Variants in NAPEPLD observed in about 807,000 individuals in gnomAD.
NAPEPLD encodes N-acyl phosphatidylethanolamine phospholipase D.
A neutral mutation model predicts 38.1 loss-of-function variants in NAPEPLD; 23 were observed. That is an observed-to-expected ratio of 0.60 (90% CI 0.43 to 0.86). The LOEUF (loss-of-function observed/expected upper bound fraction) is 0.86, where lower values mean the gene tolerates loss of function less well. Ranked by LOEUF, NAPEPLD falls within the 40% of genes least tolerant of loss-of-function variation. The pLI is 0.00. For missense variants in NAPEPLD, 411 were observed against 476.8 expected (o/e 0.86, Z 1.28); for synonymous variants, 147 against 162.0 (o/e 0.91, Z 0.71).
At chr7:103,124,460 G>GC (rs1358052981) in intron 2 of NAPEPLD, among the ~76,000 whole-genome samples, 1 of 145,252 alleles carries the variant, frequency 6.9e-6, no homozygotes, top group Non-Finnish European at 1.5e-5. Flanking sequence ...CTCCGTCTTA[G>GC]AAAAAAAAAA....
intron 2 of NAPEPLD, chr7:103,128,119 C>G (rs1808203376): frequency 4.2e-6 from 1 of 238,014 alleles, no homozygotes; most frequent in African/African-American, 2.3e-5. Flanking sequence ...ACTGTCTCAC[C>G]TTCATGACCT....
intron 4 of NAPEPLD, among the ~76,000 whole-genome samples, chr7:103,108,856 C>T (rs1803931615): frequency 6.6e-6 from 1 of 152,086 alleles, no homozygotes; most frequent in Non-Finnish European, 1.5e-5. Context: ...AACTCATGTG[C>T]AAAGACACAC....
intron 1 of NAPEPLD, among the ~76,000 whole-genome samples, chr7:103,139,141 T>C (rs1374719457): frequency 6.6e-6 from 1 of 152,256 alleles, no homozygotes; most frequent in East Asian, 1.9e-4. Flanking sequence ...CATATAAATC[T>C]GATACAAATA....
intron 1 of NAPEPLD, 140 bp from the exon 2 acceptor site, chr7:103,128,932 G>T: frequency 1.1e-6 from 1 of 916,294 alleles, no homozygotes; most frequent in Non-Finnish European, 1.6e-6. Context: ...CTTTCTTCCT[G>T]CAAGGCACAA....
At position 103,100,474 on chromosome 7, in the gene NAPEPLD, A is replaced by AGAT. The variant is rs1802243351; in HGVS notation, c.*2952_*2954dup. The AGAT allele has an allele frequency of 6.6e-6, 1 of 152,224 alleles. No homozygotes were observed. Among genetic ancestry groups the AGAT allele is most frequent in the Admixed American group, 6.5e-5 (1 of 15,288 alleles). The allele number at this position is 152,224 out of a possible 1,614,324, so 9.4% of individuals were successfully genotyped here. A position where few individuals can be genotyped will look rare whatever the true frequency, so the allele number is the denominator to read the frequency against. Reference sequence around the variant, plus strand: ...AGTAATTTTTAACTACCCAGAAAGAAGATGCACAAATACATCTTTTCCTAC... The same window carrying AGAT: ...AGTAATTTTTAACTACCCAGAAAGAAGATGATGCACAAATACATCTTTTCCTAC... On this transcript the variant is annotated 3_prime_UTR_variant, in exon 5 of 5. Transcript: ENST00000465647.
At chr7:103,114,995 C>A in intron 4 of NAPEPLD, 65 bp downstream of exon 4, 1 of 1,222,168 alleles carries the variant, frequency 8.2e-7, no homozygotes, top group Non-Finnish European at 1.2e-6. Context: ...AACTAAGGAA[C>A]AGTGATGCCT....
intron 4 of NAPEPLD, among the ~76,000 whole-genome samples, chr7:103,103,943 TGTG>T (rs1030163280): frequency 4.0e-5 from 6 of 151,692 alleles, no homozygotes; most frequent in East Asian, 1.9e-4. Context: ...GAAATCAAAT[TGTG>T]GTGTGTGTGT....
chr7:103,114,098 T>C (rs192163923), intron 4 of NAPEPLD, among the ~76,000 whole-genome samples: 4 of 151,912 alleles, frequency 2.6e-5, no homozygotes, highest in Admixed American at 2.0e-4. Context: ...GGTTTCGCCA[T>C]GTTGGCCAGG....
At chr7:103,115,544 C>T (rs142470252) in intron 3 of NAPEPLD, among the ~76,000 whole-genome samples, 96 of 152,250 alleles carry the variant, frequency 6.3e-4, no homozygotes, top group Middle Eastern at 3.4e-3. Flanking sequence ...TTTTGTTTCA[C>T]GTATATTTTG....
At chr7:103,136,266 CA>C (rs1308577774) in intron 1 of NAPEPLD, among the ~76,000 whole-genome samples, 30 of 144,960 alleles carry the variant, frequency 2.1e-4, no homozygotes, top group East Asian at 9.9e-4. Context: ...GACCCCACCT[CA>C]AAAAAAAAAT....
In NAPEPLD at chr7:103,102,059, G is replaced by C. The variant is rs1297427053; in HGVS notation, c.*1370C>G. On this transcript the variant is annotated 3_prime_UTR_variant, in exon 5 of 5. Coordinates refer to ENST00000465647, the MANE Select transcript of NAPEPLD (RefSeq NM_001122838.3). ...GGCTTACCAAAAGAATCATGCTTAA[G>C]GTTCATTTAATATAAAAATGTAAGA... 1.7e-5 allele frequency: 2 copies of C among 117,060 alleles called. 1 individual carries two copies. The allele number at this position is 117,060 out of a possible 1,614,324, so 7.3% of individuals were successfully genotyped here.
chr7:103,141,254 TTTTTTTTTTTTG>T, intron 1 of NAPEPLD: 1 of 277,544 alleles, frequency 3.6e-6, no homozygotes, highest in East Asian at 6.6e-5. Context: ...TTTTTTTTTT[TTTTTTTTTTTTG>T]CAAGCAGATA....
chr7:103,105,774 A>T (rs1803186067), intron 4 of NAPEPLD, among the ~76,000 whole-genome samples: 1 of 152,106 alleles, frequency 6.6e-6, no homozygotes, highest in South Asian at 2.1e-4. Flanking sequence ...CTCTACTAAA[A>T]ATACAAAAAT....
chr7:103,133,232 G>A (rs866408806), intron 1 of NAPEPLD, among the ~76,000 whole-genome samples: 35 of 152,200 alleles, frequency 2.3e-4, no homozygotes, highest in Non-Finnish European at 4.6e-4. Flanking sequence ...ACTTCAGGGC[G>A]ACCAACTGCC....
In NAPEPLD at chr7:103,141,119, G is replaced by A. The variant is rs1360116393; in HGVS notation, c.-17+7692C>T. Among the ~76,000 whole-genome samples, 3 of 151,750 alleles carry A rather than the reference G, an allele frequency of 2.0e-5. No individual in the cohort carries two copies. In the East Asian group the frequency reaches 5.8e-4, roughly 29 times the overall value. Reference sequence around the variant, plus strand: ...ATGGCCAAAACAGGTTTTCAAGAAAGATCTGATTTCCAGTGTGTGACAGAT... The same window carrying A: ...ATGGCCAAAACAGGTTTTCAAGAAAAATCTGATTTCCAGTGTGTGACAGAT... On this transcript the variant is annotated intron_variant, in intron 1 of 4. Coordinates refer to ENST00000465647, the MANE Select transcript of NAPEPLD (RefSeq NM_001122838.3).
intron 1 of NAPEPLD, among the ~76,000 whole-genome samples, chr7:103,129,118 A>G (rs1808420381): frequency 6.6e-6 from 1 of 152,186 alleles, no homozygotes. Context: ...ATACAAAATT[A>G]GCCAGGCATG....
At chr7:103,141,899 A>G in intron 1 of NAPEPLD, 2 of 1,024,946 alleles carry the variant, frequency 2.0e-6, no homozygotes, top group Non-Finnish European at 3.1e-6. Context: ...ACAGCAGAGG[A>G]CACTAGAGGC....
At chr7:103,144,412 A>G (rs908437979) in intron 1 of NAPEPLD, among the ~76,000 whole-genome samples, 6 of 152,190 alleles carry the variant, frequency 3.9e-5, no homozygotes, top group African/African-American at 9.6e-5. Context: ...TTTTACATGA[A>G]GAAGGTTTCA....
At chr7:103,144,755 C>A (rs1475272649) in intron 1 of NAPEPLD, among the ~76,000 whole-genome samples, 2 of 151,772 alleles carry the variant, frequency 1.3e-5, no homozygotes, top group Non-Finnish European at 2.9e-5. Flanking sequence ...CACCTGTAAT[C>A]CCAGCACTTT....
Sources: gnomAD v4.1 joint callset for allele counts (sites outside exome capture counted in the v4.1 genomes callset) on GRCh38, gnomAD v4.1.1 for gene constraint, MANE v1.5 for transcripts, NCBI Gene and HGNC (gene_info 2026-07-23, HGNC 2026-07-21) for gene names.